The following HECW2 variants were observed in gnomAD, a reference collection of about 807,000 sequenced individuals.
The protein encoded by HECW2 is HECT, C2 and WW domain containing E3 ubiquitin protein ligase 2, also known as E3 ubiquitin-protein ligase HECW2.
A neutral mutation model predicts 175.2 loss-of-function variants in HECW2; 61 were observed. The observed-to-expected ratio is 0.35, with a 90% CI of 0.28 to 0.43. The LOEUF is 0.43. Ranked by LOEUF, HECW2 falls within the 20% of genes least tolerant of loss-of-function variation. The pLI, the probability that HECW2 is intolerant of heterozygous loss-of-function variation, is 1.00. For missense variants in HECW2, 1,524 were observed against 2,000.5 expected (o/e 0.76, Z 4.54); for synonymous variants, 671 against 731.0 (o/e 0.92, Z 1.32).
chr2:196,213,046 A>C (rs955047412), intron 28 of HECW2, among the ~76,000 whole-genome samples: 5 of 152,234 alleles, frequency 3.3e-5, no homozygotes, highest in African/African-American at 1.2e-4. Flanking sequence ...TGGACTTGAT[A>C]ATATAAAAGA....
intron 2 of HECW2, among the ~76,000 whole-genome samples, chr2:196,416,565 G>C (rs1309742026): frequency 6.6e-6 from 1 of 152,182 alleles, no homozygotes; most frequent in African/African-American, 2.4e-5. Flanking sequence ...GGGAGGCCCA[G>C]TAAATGCCCA....
chr2:196,374,017 G>A (rs1021372320), intron 2 of HECW2, among the ~76,000 whole-genome samples: 2 of 148,866 alleles, frequency 1.3e-5, no homozygotes, highest in Non-Finnish European at 3.0e-5. Context: ...GGGCGACAGA[G>A]AGAGACTCCG....
At chr2:196,288,106 C>T (rs374311169) in intron 14 of HECW2, 1 of 151,702 alleles carries the variant, frequency 6.6e-6, no homozygotes, top group African/African-American at 2.4e-5. Context: ...AAAGAAGAGG[C>T]ATTTAGGGTA....
At chr2:196,332,778 T>A (rs1692414348) in intron 4 of HECW2, among the ~76,000 whole-genome samples, 1 of 152,246 alleles carries the variant, frequency 6.6e-6, no homozygotes, top group African/African-American at 2.4e-5. Flanking sequence ...CCCACTCTTC[T>A]AGTTTTGTAA....
chr2:196,378,017 A>G (rs1354831927), intron 2 of HECW2, among the ~76,000 whole-genome samples: 1 of 152,250 alleles, frequency 6.6e-6, no homozygotes, highest in Non-Finnish European at 1.5e-5. Flanking sequence ...ATCTGTGTTC[A>G]GATTAGTTTT....
intron 2 of HECW2, among the ~76,000 whole-genome samples, chr2:196,371,537 T>C (rs1693910001): frequency 6.6e-6 from 1 of 152,240 alleles, no homozygotes; most frequent in Non-Finnish European, 1.5e-5. Context: ...GTTTATAATC[T>C]GAGATAGGTC....
At chr2:196,393,762 T>G (rs1407950171) in intron 2 of HECW2, among the ~76,000 whole-genome samples, 1 of 152,216 alleles carries the variant, frequency 6.6e-6, no homozygotes, top group African/African-American at 2.4e-5. Context: ...CTCAAGTATC[T>G]AGAACTAAAA....
chr2:196,305,421 G>A (rs1391999004), intron 13 of HECW2, among the ~76,000 whole-genome samples: 2 of 152,068 alleles, frequency 1.3e-5, no homozygotes, highest in Non-Finnish European at 1.5e-5. Flanking sequence ...AGCTAAAGAA[G>A]GCAGAAAAAT....
chr2:196,259,214 G>A (rs2105928006), intron 17 of HECW2, among the ~76,000 whole-genome samples: 1 of 152,306 alleles, frequency 6.6e-6, no homozygotes, highest in Admixed American at 6.5e-5. Flanking sequence ...CCTCATGTGA[G>A]CTGCCTGCCT....
chr2:196,434,914 G>A (rs762266370), intron 1 of HECW2, among the ~76,000 whole-genome samples: 1 of 152,210 alleles, frequency 6.6e-6, no homozygotes, highest in East Asian at 1.9e-4. Context: ...GACAGCTAAC[G>A]ACCTTGGCTA....
chr2:196,457,991 T>A (rs1241959937), intron 1 of HECW2, among the ~76,000 whole-genome samples: 4 of 151,936 alleles, frequency 2.6e-5, no homozygotes, highest in Non-Finnish European at 5.9e-5. Flanking sequence ...GGGAACTGGC[T>A]GGACACAGTG....
intron 4 of HECW2, chr2:196,331,341 G>A (rs1575423552): frequency 1.1e-6 from 1 of 943,292 alleles, no homozygotes. Context: ...AGAACTAACT[G>A]CTGTGGCTAT....
At chr2:196,231,353 C>T (rs986864853) in intron 21 of HECW2, among the ~76,000 whole-genome samples, 1 of 152,122 alleles carries the variant, frequency 6.6e-6, no homozygotes, top group Non-Finnish European at 1.5e-5. Context: ...GGTGCCCTGA[C>T]CCCAAGTTTA....
At chr2:196,237,005 T>G (rs1363633149) in intron 21 of HECW2, among the ~76,000 whole-genome samples, 1 of 152,056 alleles carries the variant, frequency 6.6e-6, no homozygotes, top group Non-Finnish European at 1.5e-5. Context: ...CAAAATAGAT[T>G]TTTTCTTTTT....
At chr2:196,291,713 C>T (rs941085957) in intron 14 of HECW2, 3 of 152,170 alleles carry the variant, frequency 2.0e-5, no homozygotes, top group Admixed American at 1.3e-4. Flanking sequence ...CACTGCCTGT[C>T]TCTGTGATGT....
chr2:196,257,992 C>A, intron 17 of HECW2, 86 bp from the exon 18 acceptor site: 1 of 947,132 alleles, frequency 1.1e-6, no homozygotes, highest in South Asian at 1.4e-5. Context: ...TTATAATAGT[C>A]ATGATGTTTT....
At chr2:196,453,810 G>A (rs1320938660) in intron 1 of HECW2, among the ~76,000 whole-genome samples, 2 of 152,166 alleles carry the variant, frequency 1.3e-5, no homozygotes, top group East Asian at 1.9e-4. Context: ...GGAGCAGTTC[G>A]GGGATAGAGA....
chr2:196,298,348 C>T (rs1002532352), intron 13 of HECW2, among the ~76,000 whole-genome samples: 1 of 151,560 alleles, frequency 6.6e-6, no homozygotes, highest in Non-Finnish European at 1.5e-5. Flanking sequence ...AACCACAATG[C>T]AAAAAAAGAA....
intron 1 of HECW2, among the ~76,000 whole-genome samples, chr2:196,439,856 G>C (rs1490003141): frequency 6.6e-6 from 1 of 152,154 alleles, no homozygotes; most frequent in Non-Finnish European, 1.5e-5. Flanking sequence ...GTGAGAAACT[G>C]ATCAGTCAAG....
Sources: gnomAD v4.1 joint callset for allele counts (sites outside exome capture counted in the v4.1 genomes callset) on GRCh38, gnomAD v4.1.1 for gene constraint, MANE v1.5 for transcripts, NCBI Gene and HGNC (gene_info 2026-07-23, HGNC 2026-07-21) for gene names.